Variants in NAA35 observed in about 807,000 individuals in gnomAD.
NAA35 encodes the protein N-alpha-acetyltransferase 35, NatC auxiliary subunit.
Under a neutral mutation model 101.7 loss-of-function variants are expected in NAA35, and 18 were observed. That is an observed-to-expected ratio of 0.18 (90% CI 0.12 to 0.26). NAA35 has a LOEUF of 0.26. Ranked by LOEUF, NAA35 falls within the 10% of genes least tolerant of loss-of-function variation. NAA35 has a pLI of 1.00. For synonymous variants in NAA35, 267 were observed against 273.1 expected (o/e 0.98, Z 0.22); for missense variants, 601 against 886.8 (o/e 0.68, Z 4.09).
At chr9:86,005,999 C>A (rs959106041) in intron 13 of NAA35, among the ~76,000 whole-genome samples, 7 of 151,494 alleles carry the variant, frequency 4.6e-5, no homozygotes, top group Admixed American at 4.0e-4. Flanking sequence ...AGTGAAACCC[C>A]ATCTGTACTA....
chr9:85,966,719 G>C lies in NAA35; in HGVS notation c.516+4539G>C, dbSNP rs375825636. 17 of 938,646 alleles carry C rather than the reference G, an allele frequency of 1.8e-5. No individual in the cohort carries two copies. In the African/African-American group the frequency reaches 2.9e-4, roughly 16 times the overall value. The allele number at this position is 938,646 out of a possible 1,614,324, so 58.1% of individuals were successfully genotyped here. On this transcript the variant is annotated intron_variant, in intron 6 of 22. Coordinates refer to ENST00000361671, the MANE Select transcript of NAA35 (RefSeq NM_024635.4). ...TTTACTAGTATACATTAGCACAGCT[G>C]TCTTGGCAAACAGTTTAATAATGTG...
At chr9:85,997,970 AGT>A (rs1188888636) in intron 12 of NAA35, among the ~76,000 whole-genome samples, 2 of 152,060 alleles carry the variant, frequency 1.3e-5, no homozygotes, top group Admixed American at 6.6e-5. Flanking sequence ...GCTGGAGTGC[AGT>A]GGTGTGATCT....
At position 85,959,813 on chromosome 9, in the gene NAA35, A is replaced by G. The variant is rs1444530045; in HGVS notation, c.294A>G (p.Lys98=). 1.2e-6 allele frequency: 2 copies of G among 1,609,368 alleles called. No homozygotes were observed. Among genetic ancestry groups the G allele is most frequent in the Non-Finnish European group, 1.7e-6 (2 of 1,178,520 alleles). The part of the protein sequence containing the change: ...QAIKDGTIKI[K]DLTLPELIGI... ...TTTAGGATGGCACTATTAAAATTAA[A>G]GATCTCACCTTGCCTGAACTGATAG... The change falls in exon 5 of 23, where the codon AAA becomes AAG. Residue 98 remains lysine (K), a synonymous_variant. Coordinates refer to ENST00000361671, the MANE Select transcript of NAA35 (RefSeq NM_024635.4).
intron 5 of NAA35, among the ~76,000 whole-genome samples, chr9:85,961,204 G>A (rs577304066): frequency 6.6e-5 from 10 of 152,276 alleles, no homozygotes; most frequent in African/African-American, 1.9e-4. Context: ...TAATTACAGA[G>A]TTTTCCACAA....
intron 6 of NAA35, chr9:85,966,517 C>T (rs891053170): frequency 3.6e-4 from 246 of 686,250 alleles, no homozygotes; most frequent in Non-Finnish European, 4.9e-4. Flanking sequence ...CACTATAATC[C>T]AGGAAATACA....
At chr9:85,946,135 TA>T in intron 2 of NAA35, among the ~76,000 whole-genome samples, 1 of 152,126 alleles carries the variant, frequency 6.6e-6, no homozygotes, top group South Asian at 2.1e-4. Flanking sequence ...ATTAGTAAGT[TA>T]AATTTTTTTT....
intron 9 of NAA35, among the ~76,000 whole-genome samples, chr9:85,976,956 T>A (rs1231918048): frequency 1.3e-5 from 2 of 152,088 alleles, no homozygotes; most frequent in African/African-American, 4.8e-5. Flanking sequence ...TCCTGTGAGG[T>A]AGGAAGAAAA....
chr9:86,013,634 C>A, intron 16 of NAA35, 85 bp from the exon 17 acceptor site: 2 of 1,288,156 alleles, frequency 1.6e-6, no homozygotes, highest in Non-Finnish European at 2.1e-6. Flanking sequence ...TGCTCATATT[C>A]TTTTTAGCTG....
Position 86,003,403 on chromosome 9 carries a change from AT to A in NAA35, c.1057-180del, listed in dbSNP as rs1400351402. On this transcript the variant is annotated intron_variant, in intron 12 of 22. Transcript: ENST00000361671. ...TTAAGGAAAGTTTTTAGAGTCTAGA[AT>A]TATCCATTGTCCCTTTTATATAATT... 2.6e-5 allele frequency among the ~76,000 whole-genome samples: 4 copies of A among 152,284 alleles called. No homozygotes were observed. The South Asian group carries it at 8.3e-4, about 32-fold the overall frequency.
At chr9:85,951,684 C>T (rs1829024757) in intron 2 of NAA35, among the ~76,000 whole-genome samples, 1 of 152,052 alleles carries the variant, frequency 6.6e-6, no homozygotes, top group South Asian at 2.1e-4. Flanking sequence ...GAGGCATAGT[C>T]TTGCTCTGTC....
chr9:85,975,271 T>A, intron 8 of NAA35, 114 bp downstream of exon 8: 1 of 1,085,294 alleles, frequency 9.2e-7, no homozygotes, highest in Non-Finnish European at 1.3e-6. Flanking sequence ...CTTTGTATTT[T>A]TTTTTTGTAA....
At chr9:86,021,489 T>A (rs1832552149) in intron 22 of NAA35, among the ~76,000 whole-genome samples, 2 of 152,312 alleles carry the variant, frequency 1.3e-5, no homozygotes, top group South Asian at 4.1e-4. Context: ...TTTTCTTCCA[T>A]TGTTTCCTGT....
chr9:85,948,729 T>C (rs967447955), intron 2 of NAA35, among the ~76,000 whole-genome samples: 4 of 152,194 alleles, frequency 2.6e-5, no homozygotes, highest in Non-Finnish European at 5.9e-5. Context: ...TTCTGATACA[T>C]GTGAAAGTTA....
At chr9:85,959,352 G>T (rs1002473440) in intron 4 of NAA35, among the ~76,000 whole-genome samples, 1 of 150,586 alleles carries the variant, frequency 6.6e-6, no homozygotes, top group African/African-American at 2.4e-5. Context: ...ACTCCAGCCT[G>T]GGCGACAGAG....
At chr9:85,991,144 G>A (rs929378765) in intron 11 of NAA35, among the ~76,000 whole-genome samples, 2 of 152,094 alleles carry the variant, frequency 1.3e-5, no homozygotes, top group African/African-American at 2.4e-5. Context: ...AGCCTAAGTA[G>A]GATGAGGAGG....
chr9:85,954,900 C>T (rs1173891785), intron 2 of NAA35, among the ~76,000 whole-genome samples: 1 of 152,066 alleles, frequency 6.6e-6, no homozygotes, highest in Admixed American at 6.6e-5. Flanking sequence ...ATGTGTTCTG[C>T]TATGTTTTGT....
At chr9:85,963,132 C>A (rs1049566778) in intron 6 of NAA35, among the ~76,000 whole-genome samples, 3 of 152,050 alleles carry the variant, frequency 2.0e-5, no homozygotes, top group Non-Finnish European at 4.4e-5. Flanking sequence ...GCTGTTACTG[C>A]TCCAGAATAA....
chr9:86,021,057 A>C (rs116508785), intron 22 of NAA35, 88 bp downstream of exon 22: 6 of 941,316 alleles, frequency 6.4e-6, no homozygotes, highest in Non-Finnish European at 9.4e-6. Context: ...ATTACAGGAA[A>C]AATTAAACCA....
At chr9:86,020,572 A>G (rs1832479847) in intron 21 of NAA35, among the ~76,000 whole-genome samples, 1 of 152,220 alleles carries the variant, frequency 6.6e-6, no homozygotes, top group South Asian at 2.1e-4. Flanking sequence ...GACTGGCCAC[A>G]GTGGCTCACG....
Sources: gnomAD v4.1 joint callset for allele counts (sites outside exome capture counted in the v4.1 genomes callset) on GRCh38, gnomAD v4.1.1 for gene constraint, MANE v1.5 for transcripts, NCBI Gene and HGNC (gene_info 2026-07-23, HGNC 2026-07-21) for gene names.